PWWP3A: variants seen among roughly 807,000 people sequenced by gnomAD.
The protein encoded by PWWP3A is PWWP domain-containing DNA repair factor 3A.
PWWP3A carries 53 observed loss-of-function variants against 79.0 expected under a neutral mutation model. The observed-to-expected ratio is 0.67, with a 90% CI of 0.54 to 0.84. The LOEUF is 0.84. PWWP3A is among the 40% of genes least tolerant of loss of function. The pLI is 0.00. For synonymous variants in PWWP3A, 443 were observed against 394.4 expected, an observed-to-expected ratio of 1.12 and a Z score of -1.46; for missense variants, 973 against 948.0, an observed-to-expected ratio of 1.03 and a Z score of -0.35.
In PWWP3A at chr19:1,362,318, G is replaced by A; in HGVS notation, c.1180G>A (p.Asp394Asn). 6.2e-7 allele frequency: 1 copy of A among 1,614,110 alleles called. No homozygotes were observed. The highest frequency in any genetic ancestry group is 1.1e-5 in the South Asian group (1 of 91,066). Residue 394 changes from aspartate (D) to asparagine (N), a missense_variant, in exon 6 of 14, where the codon GAC becomes AAC. Asp to Asn is a conservative substitution (Grantham distance 23). Transcript: ENST00000591337. Reference sequence around the variant, plus strand: ...TTCTATCCTGGAGGAAGACGAGGAAGACGAGGAGCCACCAAGAGTCCTTTT... The same window carrying A: ...TTCTATCCTGGAGGAAGACGAGGAAAACGAGGAGCCACCAAGAGTCCTTTT... Reference protein sequence around the residue: ...MRSILEEDEEDEEPPRVLLYH... With the variant: ...MRSILEEDEENEEPPRVLLYH...
At chr19:1,366,445 C>A in intron 8 of PWWP3A, 64 bp downstream of exon 8, 2 of 1,464,842 alleles carry the variant, frequency 1.4e-6, no homozygotes, top group South Asian at 1.1e-5. Flanking sequence ...CTCTCAGAGT[C>A]AGAGCGGGCG....
Position 1,373,651 on chromosome 19 carries a change from GGCCAGGCCTTGCTGGGA to G in PWWP3A, c.2075+499_2075+515del, listed in dbSNP as rs2082307865. On this transcript the variant is annotated intron_variant, in intron 13 of 13. Coordinates refer to ENST00000591337, the MANE Select transcript of PWWP3A (RefSeq NM_001369789.1). ...CGCCTAATCCTGTCTCTGGGCATGC[GGCCAGGCCTTGCTGGGA>G]GCCAGGCGGGGCCCACGGGGCAGTG... The G allele has an allele frequency of 2.6e-5, 4 of 156,370 alleles. 1 individual carries two copies. In the South Asian group the frequency reaches 7.7e-4, roughly 30 times the overall value. The allele number at this position is 156,370 out of a possible 1,614,324, so 9.7% of individuals were successfully genotyped here. A position where few individuals can be genotyped will look rare whatever the true frequency, so the allele number is the denominator to read the frequency against.
chr19:1,361,691 G>C lies in PWWP3A; in HGVS notation c.1112-559G>C, dbSNP rs558005281. 2.0e-5 allele frequency among the ~76,000 whole-genome samples: 3 copies of C among 152,292 alleles called. No individual in the cohort carries two copies. The East Asian group carries it at 5.8e-4, about 29-fold the overall frequency. On this transcript the variant is annotated intron_variant, in intron 5 of 13. Transcript: ENST00000591337. ...ATCATCTCCTTAGCACGTTGGAAGCGGCAGGGAACTGAGGTTGCCACGCTC... is the reference window on the plus strand; with the variant it reads ...ATCATCTCCTTAGCACGTTGGAAGCCGCAGGGAACTGAGGTTGCCACGCTC...
chr19:1,357,479 G>A (rs1363801027), intron 3 of PWWP3A: 1 of 147,772 alleles, frequency 6.8e-6, no homozygotes, highest in Non-Finnish European at 1.4e-5. Flanking sequence ...AGAGATCTGT[G>A]TGTCTTTTTT....
At chr19:1,365,849 C>T (rs890899923) in intron 7 of PWWP3A, among the ~76,000 whole-genome samples, 2 of 152,250 alleles carry the variant, frequency 1.3e-5, no homozygotes, top group Non-Finnish European at 2.9e-5. Flanking sequence ...TGCCTTCTCA[C>T]GGTGGCCCCG....
At chr19:1,357,399 CTTT>C in intron 3 of PWWP3A, 21 of 127,978 alleles carry the variant, frequency 1.6e-4, no homozygotes, top group East Asian at 1.1e-3. Flanking sequence ...GGGATATTTC[CTTT>C]TTTTTTTTTT....
At chr19:1,375,632 A>G (rs1447322916) in intron 13 of PWWP3A, among the ~76,000 whole-genome samples, 4 of 30,350 alleles carry the variant, frequency 1.3e-4, no homozygotes, top group South Asian at 1.2e-3. Context: ...ACAATTTTAT[A>G]TATTATATAA....
rs1363956046 is a variant in PWWP3A, at chr19:1,369,669, GA to G, written c.1549+27del. On this transcript the variant is annotated intron_variant, in intron 11 of 13. Coordinates refer to ENST00000591337, the MANE Select transcript of PWWP3A (RefSeq NM_001369789.1). The surrounding 1 kb of genome is among the most constrained non-coding windows in gnomAD (Gnocchi z 4.0). ...TAAGTAAGTCTACAGGCACATCTTGGAAAATGTGGTTTGCCTTTTAGCCCTT... is the reference window on the plus strand; with the variant it reads ...TAAGTAAGTCTACAGGCACATCTTGGAAATGTGGTTTGCCTTTTAGCCCTT... The G allele has an allele frequency of 6.2e-7, 1 of 1,613,768 alleles. No individual in the cohort carries two copies. Among genetic ancestry groups the G allele is most frequent in the African/African-American group, 1.3e-5 (1 of 75,052 alleles).
At position 1,356,504 on chromosome 19, in the gene PWWP3A, G is replaced by A. The variant is rs903995371; in HGVS notation, c.57+55G>A. On this transcript the variant is annotated intron_variant, in intron 2 of 13. Transcript: ENST00000591337. The stretch of plus-strand genomic sequence containing the variant: ...CTTAGAAATGACTTTCGGGTGACAA[G>A]TAAAATCTTGATCAGGAGATACCTA... 4.5e-6 allele frequency: 7 copies of A among 1,554,668 alleles called. No individual in the cohort carries two copies. In the East Asian group the frequency reaches 1.6e-4, roughly 35 times the overall value.
At chr19:1,357,161 T>C in intron 3 of PWWP3A, 67 bp downstream of exon 3, 4 of 1,256,070 alleles carry the variant, frequency 3.2e-6, no homozygotes, top group Non-Finnish European at 4.5e-6. Context: ...AATCCCCTAC[T>C]CCCCCAAAAC....
Position 1,369,294 on chromosome 19 carries a change from C to T in PWWP3A, c.1452C>T (p.Asp484=), listed in dbSNP as rs780510623. The change falls in exon 10 of 14, where the codon GAC becomes GAT. Residue 484 remains aspartate, a synonymous_variant. Transcript: ENST00000591337. This position sits in a 1 kb window ranked among gnomAD's most constrained non-coding sequence, Gnocchi z 4.0. ...AAGCCAGGGAGGACTTCAACCAGGA[C>T]ATCGGCTGGTGTGTCTCCCTCATCA... is the stretch of plus-strand genomic sequence containing the variant. ...LNQAREDFNQ[D]IGWCVSLITD... The T allele has an allele frequency of 1.9e-6, 3 of 1,614,172 alleles. No individual in the cohort carries two copies. The highest frequency in any genetic ancestry group is 1.3e-5 in the African/African-American group (1 of 75,064).
At chr19:1,356,171 C>A in intron 1 of PWWP3A, 153 bp from the exon 2 acceptor site, 1 of 538,146 alleles carries the variant, frequency 1.9e-6, no homozygotes, top group African/African-American at 1.9e-5. Flanking sequence ...GTTTGTCAGT[C>A]TGCTTTTTGG....
At chr19:1,366,180 C>CGCTGGGGTCACCCCCAGA (rs35705930) in intron 7 of PWWP3A, 125 bp from the exon 8 acceptor site, 1 of 1,062,106 alleles carries the variant, frequency 9.4e-7, no homozygotes, top group South Asian at 1.4e-5. Context: ...CGGGAGACTT[C>CGCTGGGGTCACCCCCAGA]GCTGGGGTCA....
At position 1,360,140 on chromosome 19, in the gene PWWP3A, A is replaced by G. The variant is rs371696117; in HGVS notation, c.219A>G (p.Ser73=). Residue 73 remains serine (S), a synonymous_variant, in exon 5 of 14, where the codon TCA becomes TCG. Transcript: ENST00000591337. This position sits in a 1 kb window ranked among gnomAD's most constrained non-coding sequence, Gnocchi z 4.4. The part of the protein sequence containing the change: ...QIEAIASSLA[S]QNEVPAAPLE... ...GTGTATGTTCGGTCCTTGCAGCCTC[A>G]CAGAATGAGGTTCCTGCGGCACCCC... 1 of 1,553,870 alleles carries G rather than the reference A, an allele frequency of 6.4e-7. No individual in the cohort carries two copies. The highest frequency in any genetic ancestry group is 8.7e-7 in the Non-Finnish European group (1 of 1,151,578).
At chr19:1,359,053 G>C (rs1161810446) in intron 4 of PWWP3A, 1 of 284,194 alleles carries the variant, frequency 3.5e-6, no homozygotes, top group Non-Finnish European at 7.2e-6. Flanking sequence ...CTTCAGTTTA[G>C]CACCCACCTC....
At chr19:1,371,631 G>C (rs895023224) in intron 12 of PWWP3A, among the ~76,000 whole-genome samples, 6 of 152,130 alleles carry the variant, frequency 3.9e-5, no homozygotes, top group Non-Finnish European at 8.8e-5. Context: ...TGAAATTTCA[G>C]AGAGGACATT....
At position 1,369,344 on chromosome 19, in the gene PWWP3A, C is replaced by G; in HGVS notation, c.1498+4C>G. 6.2e-7 allele frequency: 1 copy of G among 1,613,008 alleles called. No individual in the cohort carries two copies. The highest frequency in any genetic ancestry group is 8.5e-7 in the Non-Finnish European group (1 of 1,179,884). ...ACCGACTACAGGGTCCGGTTAGGTACGTGGGGTGCTGGGGAGGGGTGGAGC... is the reference window on the plus strand; with the variant it reads ...ACCGACTACAGGGTCCGGTTAGGTAGGTGGGGTGCTGGGGAGGGGTGGAGC... On this transcript the variant is annotated splice_donor_region_variant and intron_variant, in intron 10 of 13. Coordinates refer to ENST00000591337, the MANE Select transcript of PWWP3A (RefSeq NM_001369789.1). The surrounding 1 kb of genome is among the most constrained non-coding windows in gnomAD (Gnocchi z 4.0).
At chr19:1,362,476 T>C in intron 6 of PWWP3A, 125 bp downstream of exon 6, 1 of 689,066 alleles carries the variant, frequency 1.5e-6, no homozygotes, top group East Asian at 2.7e-5. Flanking sequence ...TCTCTCCCAC[T>C]GAACCGAGAC....
chr19:1,373,225 C>T (rs1364135005), intron 13 of PWWP3A, 65 bp downstream of exon 13: 33 of 1,447,870 alleles, frequency 2.3e-5, no homozygotes, highest in Middle Eastern at 3.5e-4. Flanking sequence ...TATTTCCACA[C>T]CCACAGGCAG....
Sources: allele counts gnomAD v4.1 joint callset (sites outside exome capture counted in the v4.1 genomes callset), GRCh38; gene constraint gnomAD v4.1.1; non-coding constraint Gnocchi (gnomAD v3.1); transcripts MANE v1.5; gene names NCBI Gene and HGNC (gene_info 2026-07-23, HGNC 2026-07-21).